The following TNRC6A variants were observed in gnomAD, a reference collection of about 807,000 sequenced individuals.
TNRC6A encodes trinucleotide repeat containing adaptor 6A.
Under a neutral mutation model 221.2 loss-of-function variants are expected in TNRC6A, and 44 were observed. The ratio of observed to expected loss-of-function variants is 0.20; its 90% CI spans 0.16 to 0.26. The LOEUF is 0.26. TNRC6A is among the 10% of genes least tolerant of loss of function. The pLI, the probability that TNRC6A is intolerant of heterozygous loss-of-function variation, is 1.00. For synonymous variants in TNRC6A, 847 were observed against 838.5 expected (o/e 1.01, Z -0.18); for missense variants, 2,199 against 2,404.4 (o/e 0.91, Z 1.79).
chr16:24,773,320 A>T (rs1596670941), intron 4 of TNRC6A, among the ~76,000 whole-genome samples: 1 of 152,164 alleles, frequency 6.6e-6, no homozygotes, highest in Non-Finnish European at 1.5e-5. Flanking sequence ...TTTCTTCTTC[A>T]TCTTGAAATG....
At position 24,658,577 on chromosome 16, in the gene TNRC6A, G is replaced by A. The variant is rs538314179; in HGVS notation, n.402+17568G>A. Reference sequence around the variant, plus strand: ...GGGTTTCACCATGTTGGCCAGGCTGGTCTTGAACTCCTGACCTCAAGTGAT... The same window carrying A: ...GGGTTTCACCATGTTGGCCAGGCTGATCTTGAACTCCTGACCTCAAGTGAT... On this transcript the variant is annotated intron_variant and non_coding_transcript_variant, in intron 2 of 2. Coordinates refer to the TNRC6A transcript ENST00000566108. Among the ~76,000 whole-genome samples, 54 of 152,146 alleles carry A rather than the reference G, an allele frequency of 3.5e-4. 1 individual carries two copies. The highest frequency in any genetic ancestry group is 1.2e-3 in the African/African-American group (49 of 41,514).
chr16:24,791,077 G>A lies in TNRC6A; in HGVS notation c.2435G>A (p.Gly812Glu), dbSNP rs764926104. ...GGWEDDSAAT[G>E]MVKSNQWGNC... ...TGGGAAGATGATTCTGCTGCTACAG[G>A]AATGGTCAAGAGCAATCAGTGGGGG... Residue 812 changes from glycine (G) to glutamate (E), a missense_variant, in exon 6 of 25, where the codon GGA (glycine) becomes GAA (glutamate). This residue lies in a region of TNRC6A where 1,405 missense variants were observed against 1,400.2 expected (regional missense o/e 1.00). Coordinates refer to ENST00000395799, the MANE Select transcript of TNRC6A (RefSeq NM_014494.4). 6 of 1,608,654 alleles carry A rather than the reference G, an allele frequency of 3.7e-6. No individual in the cohort carries two copies. The highest frequency in any genetic ancestry group is 2.5e-6 in the Non-Finnish European group (3 of 1,176,780).
At chr16:24,618,879 C>T (rs1367955584) in intron 1 of TNRC6A, among the ~76,000 whole-genome samples, 1 of 152,038 alleles carries the variant, frequency 6.6e-6, no homozygotes, top group African/African-American at 2.4e-5. Flanking sequence ...ATCCACCCAC[C>T]TCGGCCTCCC....
At chr16:24,766,593 G>A (rs919505908) in intron 4 of TNRC6A, among the ~76,000 whole-genome samples, 66 of 151,996 alleles carry the variant, frequency 4.3e-4, no homozygotes, top group African/African-American at 1.5e-3. Context: ...CATAAATTTG[G>A]CAGGCCAAAA....
chr16:24,707,572 A>G (rs2056121387), intron 2 of TNRC6A, among the ~76,000 whole-genome samples: 1 of 152,222 alleles, frequency 6.6e-6, no homozygotes, highest in Non-Finnish European at 1.5e-5. Flanking sequence ...TCCTTAATAA[A>G]CAAAGAGCTC....
intron 2 of TNRC6A, among the ~76,000 whole-genome samples, chr16:24,745,376 A>G (rs2056982831): frequency 6.6e-6 from 1 of 152,186 alleles, no homozygotes; most frequent in Admixed American, 6.5e-5. Context: ...TAAAAATGAG[A>G]AAAGGAATGG....
chr16:24,808,207 TTGAC>T (rs1279668322), intron 17 of TNRC6A, among the ~76,000 whole-genome samples: 2 of 152,230 alleles, frequency 1.3e-5, no homozygotes, highest in East Asian at 1.9e-4. Context: ...CTCTTCCTAT[TTGAC>T]TGCACACTTG....
At chr16:24,729,188 A>G (rs2056546510), upstream of TNRC6A, among the ~76,000 whole-genome samples, 1 of 152,016 alleles carries the variant, frequency 6.6e-6, no homozygotes, top group African/African-American at 2.4e-5. Flanking sequence ...AGGAACAGAG[A>G]AGCAGAGAGG....
chr16:24,641,411 G>A (rs1308309911), intron 2 of TNRC6A, among the ~76,000 whole-genome samples: 1 of 152,176 alleles, frequency 6.6e-6, no homozygotes. Flanking sequence ...GACCAGTTAG[G>A]AGGCCTTTGG....
rs1265219853 is a variant in TNRC6A, at chr16:24,776,845, T to C, written c.164-88T>C. On this transcript the variant is annotated intron_variant, in intron 4 of 24. Transcript: ENST00000395799. ...GCTTCTGTTTTTTTAGGATTATTTT[T>C]CTTAGTGCCTTTGAATTTAGATGGC... 4 of 1,523,024 alleles carry C rather than the reference T, an allele frequency of 2.6e-6. No homozygotes were observed. The African/African-American group carries it at 4.2e-5, about 16-fold the overall frequency. 94.3% of individuals were successfully genotyped at this position (1,523,024 alleles called of 1,614,324 possible).
At chr16:24,639,942 C>T (rs780053596) in intron 1 of TNRC6A, among the ~76,000 whole-genome samples, 9 of 152,298 alleles carry the variant, frequency 5.9e-5, no homozygotes, top group Non-Finnish European at 8.8e-5. Flanking sequence ...CATGCATAAG[C>T]CATGGCACTT....
chr16:24,616,860 G>T (rs567557229), intron 1 of TNRC6A, among the ~76,000 whole-genome samples: 3 of 152,164 alleles, frequency 2.0e-5, no homozygotes, highest in Non-Finnish European at 4.4e-5. Flanking sequence ...GGCAGAGGTT[G>T]CAGTGAGCCG....
chr16:24,797,123 CTTTGG>C (rs1278777798), intron 9 of TNRC6A, among the ~76,000 whole-genome samples: 2 of 152,094 alleles, frequency 1.3e-5, no homozygotes, highest in Non-Finnish European at 1.5e-5. Context: ...TATTTTTTTA[CTTTGG>C]TTTGGAGTGA....
At chr16:24,680,611 G>T in intron 2 of TNRC6A, among the ~76,000 whole-genome samples, 1 of 151,616 alleles carries the variant, frequency 6.6e-6, no homozygotes, top group East Asian at 1.9e-4. Context: ...CAGATACTTG[G>T]GAGGCTGAGG....
chr16:24,751,186 A>AT (rs1209165141), intron 3 of TNRC6A, among the ~76,000 whole-genome samples: 1 of 152,154 alleles, frequency 6.6e-6, no homozygotes, highest in Admixed American at 6.5e-5. Context: ...GTGACTTTAG[A>AT]TTTTATTTAG....
At chr16:24,745,638 A>G (rs2056989287) in intron 2 of TNRC6A, among the ~76,000 whole-genome samples, 1 of 151,942 alleles carries the variant, frequency 6.6e-6, no homozygotes, top group African/African-American at 2.4e-5. Flanking sequence ...CAAAATAGAG[A>G]CACCTAACCC....
At chr16:24,668,269 G>A (rs1387629077) in intron 2 of TNRC6A, among the ~76,000 whole-genome samples, 11 of 151,286 alleles carry the variant, frequency 7.3e-5, no homozygotes, top group African/African-American at 1.7e-4. Flanking sequence ...TGGAGGTTGC[G>A]GTGAGCCAAG....
intron 2 of TNRC6A, among the ~76,000 whole-genome samples, chr16:24,743,613 CA>C (rs2056939809): frequency 6.6e-6 from 1 of 152,196 alleles, no homozygotes; most frequent in African/African-American, 2.4e-5. Flanking sequence ...GAGCCACCTG[CA>C]GAGCTTTTTA....
intron 2 of TNRC6A, among the ~76,000 whole-genome samples, chr16:24,736,809 G>A (rs1472937192): frequency 1.3e-5 from 2 of 152,132 alleles, no homozygotes; most frequent in South Asian, 2.1e-4. Context: ...GGTTTAAACC[G>A]AGATGTAATT....
Sources: gnomAD v4.1 joint callset for allele counts (sites outside exome capture counted in the v4.1 genomes callset) on GRCh38, gnomAD v4.1.1 for gene constraint, gnomAD v4.1.1 regional missense constraint, MANE v1.5 for transcripts, NCBI Gene and HGNC (gene_info 2026-07-23, HGNC 2026-07-21) for gene names.